The following FBXL2 variants were observed in gnomAD, a reference collection of about 807,000 sequenced individuals.
The protein encoded by FBXL2 is F-box/LRR-repeat protein 2.
In FBXL2, 38 loss-of-function variants were observed where a neutral mutation model predicts 69.2. The observed-to-expected ratio is 0.55, with a 90% confidence interval of 0.42 to 0.72. The LOEUF is 0.72. FBXL2 is among the 30% of genes least tolerant of loss of function. The probability of loss-of-function intolerance (pLI) is 0.00; values close to 1 mark genes in which losing one functional copy is unlikely to be tolerated. For synonymous variants in FBXL2, 192 were observed against 201.3 expected (o/e 0.95, Z 0.39); for missense variants, 354 against 520.3 (o/e 0.68, Z 3.11).
chr3:33,307,049 T>G (rs2036785542), intron 2 of FBXL2, among the ~76,000 whole-genome samples: 2 of 152,124 alleles, frequency 1.3e-5, no homozygotes, highest in South Asian at 4.1e-4. Flanking sequence ...TATAAAGGTA[T>G]GATGAGAAAC....
At chr3:33,342,902 T>TTTG (rs1553646587) in intron 2 of FBXL2, among the ~76,000 whole-genome samples, 3 of 143,706 alleles carry the variant, frequency 2.1e-5, no homozygotes, top group African/African-American at 8.0e-5. Context: ...TGTTTTTTTT[T>TTTG]TTTTTTTTTT....
At chr3:33,289,659 G>T in intron 1 of FBXL2, 3 of 633,236 alleles carry the variant, frequency 4.7e-6, no homozygotes, top group Non-Finnish European at 5.9e-6. Flanking sequence ...TGACAGTTTG[G>T]AATCCTGAGG....
chr3:33,284,057 T>C (rs1472796438), intron 1 of FBXL2, among the ~76,000 whole-genome samples: 1 of 152,224 alleles, frequency 6.6e-6, no homozygotes, highest in Non-Finnish European at 1.5e-5. Flanking sequence ...CCTTCAGTTC[T>C]GCTCTGATCT....
In FBXL2 at chr3:33,281,055, A is replaced by T. The variant is rs2033944088; in HGVS notation, c.3+3540A>T. ...GATTTTTTTAATTTTTAATTTTTAA[A>T]TTTTTTAATTATACTTTAAGTTCTA... is the stretch of plus-strand genomic sequence containing the variant. On this transcript the variant is annotated intron_variant, in intron 1 of 14. Coordinates refer to ENST00000484457, the MANE Select transcript of FBXL2 (RefSeq NM_012157.5). Among the ~76,000 whole-genome samples the T allele has an allele frequency of 2.0e-5, 3 of 152,170 alleles. No individual in the cohort carries two copies. The South Asian group carries it at 6.2e-4, about 32-fold the overall frequency.
At chr3:33,382,468 T>C (rs1254462092) in intron 13 of FBXL2, 1 of 152,232 alleles carries the variant, frequency 6.6e-6, no homozygotes, top group African/African-American at 2.4e-5. Context: ...TTTATTTAAA[T>C]GATATGAATG....
At chr3:33,284,817 T>C (rs1177296593) in intron 1 of FBXL2, among the ~76,000 whole-genome samples, 3 of 152,218 alleles carry the variant, frequency 2.0e-5, no homozygotes, top group Non-Finnish European at 4.4e-5. Context: ...TCTTTGTCTC[T>C]TTTGATCTTT....
the FBXL2 span, chr3:33,409,388 C>A: frequency 4.9e-5 from 79 of 1,613,774 alleles, no homozygotes; most frequent in Admixed American, 2.2e-4. Context: ...AGGCTGCAGA[C>A]ACACAGCTTT....
intron 4 of FBXL2, 21 bp from the exon 5 acceptor site, chr3:33,364,604 C>G (rs774929909): frequency 2.1e-5 from 33 of 1,604,804 alleles, no homozygotes; most frequent in Non-Finnish European, 2.6e-5. Context: ...ATTTTTTCCT[C>G]CCGAACTTTC....
At chr3:33,278,693 A>G (rs901202633) in intron 1 of FBXL2, among the ~76,000 whole-genome samples, 13 of 152,218 alleles carry the variant, frequency 8.5e-5, no homozygotes, top group Non-Finnish European at 1.3e-4. Context: ...TGGCAGGAGA[A>G]AAACATCACC....
At chr3:33,323,656 G>A (rs186937177) in intron 2 of FBXL2, among the ~76,000 whole-genome samples, 4 of 152,268 alleles carry the variant, frequency 2.6e-5, no homozygotes, top group Admixed American at 2.6e-4. Flanking sequence ...TTTTATGGCT[G>A]CATAGTATCC....
intron 5 of FBXL2, among the ~76,000 whole-genome samples, chr3:33,368,052 G>T (rs151293508): frequency 6.0e-4 from 91 of 152,242 alleles, no homozygotes; most frequent in African/African-American, 2.2e-3. Flanking sequence ...ATTCAATTCA[G>T]TTGTGATCAC....
intron 2 of FBXL2, among the ~76,000 whole-genome samples, chr3:33,319,009 C>T (rs1022079225): frequency 1.3e-5 from 2 of 152,142 alleles, no homozygotes; most frequent in African/African-American, 4.8e-5. Context: ...GTTTCTAACA[C>T]GAACTTCATT....
rs2043399305 is a variant in FBXL2 at position 33,385,890 on chromosome 3, A to G, written c.*282A>G. ...AACCTGGATCTCTTAAGAGATTGGT[A>G]CCTACCTAGGTACGAAAGTTCTACC... On this transcript the variant is annotated 3_prime_UTR_variant, in exon 15 of 15. Transcript: ENST00000484457. 2.3e-6 allele frequency: 1 copy of G among 442,502 alleles called. No individual in the cohort carries two copies. Among genetic ancestry groups the G allele is most frequent in the African/African-American group, 2.0e-5 (1 of 49,930 alleles). 27.4% of individuals were successfully genotyped at this position (442,502 alleles called of 1,614,324 possible).
At chr3:33,410,473 C>A in the FBXL2 span, among the ~76,000 whole-genome samples, 3 of 152,284 alleles carry the variant, frequency 2.0e-5, no homozygotes, top group South Asian at 6.2e-4. Flanking sequence ...ATAAACCATG[C>A]CCCCAGGGAT....
intron 1 of FBXL2, among the ~76,000 whole-genome samples, chr3:33,284,749 A>G (rs2034419098): frequency 6.6e-6 from 1 of 152,178 alleles, no homozygotes; most frequent in Admixed American, 6.6e-5. Context: ...GTGCATATAT[A>G]TTTAGGATAG....
rs368861872 is a variant in FBXL2, at chr3:33,374,644, C to T, written c.658-644C>T. Among the ~76,000 whole-genome samples, 85 of 152,274 alleles carry T rather than the reference C, an allele frequency of 5.6e-4. 1 individual carries two copies. Among genetic ancestry groups the T allele is most frequent in the African/African-American group, 1.9e-3 (80 of 41,554 alleles). The stretch of plus-strand genomic sequence containing the variant: ...GGACTACTCAAAAATAGGACCTTGA[C>T]TTACGTGTAGCATAGCAGTGGCTGA... On this transcript the variant is annotated intron_variant, in intron 9 of 14. Coordinates refer to ENST00000484457, the MANE Select transcript of FBXL2 (RefSeq NM_012157.5).
At chr3:33,365,989 A>G (rs2041930352) in intron 5 of FBXL2, among the ~76,000 whole-genome samples, 1 of 152,266 alleles carries the variant, frequency 6.6e-6, no homozygotes, top group Admixed American at 6.5e-5. Flanking sequence ...AGTAGAATTT[A>G]TAATTCAAAC....
chr3:33,285,731 T>C (rs1217091239), intron 1 of FBXL2, among the ~76,000 whole-genome samples: 1 of 152,222 alleles, frequency 6.6e-6, no homozygotes, highest in Non-Finnish European at 1.5e-5. Context: ...TTGGAGGCTT[T>C]GTTCATTTCT....
chr3:33,383,601 C>T (rs2154052016), intron 13 of FBXL2: 1 of 231,746 alleles, frequency 4.3e-6, no homozygotes, highest in Non-Finnish European at 8.6e-6. Flanking sequence ...AAATGGAGAA[C>T]TGGCCAATAA....
Sources: allele counts gnomAD v4.1 joint callset (sites outside exome capture counted in the v4.1 genomes callset), GRCh38; gene constraint gnomAD v4.1.1; transcripts MANE v1.5; gene names NCBI Gene and HGNC (gene_info 2026-07-23, HGNC 2026-07-21).